HSD17B3: variants seen among roughly 807,000 people sequenced by gnomAD.
HSD17B3 encodes the protein 17-beta-hydroxysteroid dehydrogenase type 3.
A neutral mutation model predicts 41.1 loss-of-function variants in HSD17B3; 29 were observed. The observed-to-expected ratio is 0.71, with a 90% CI of 0.53 to 0.96. HSD17B3 has a LOEUF of 0.96. Among genes scored for constraint, HSD17B3 ranks in the 40% least tolerant of loss-of-function variants. The probability of loss-of-function intolerance (pLI) is 0.00; values close to 1 mark genes in which losing one functional copy is unlikely to be tolerated. For missense variants in HSD17B3, 323 were observed against 374.6 expected (o/e 0.86, Z 1.14); for synonymous variants, 126 against 145.6 (o/e 0.87, Z 0.97).
intron 2 of HSD17B3, among the ~76,000 whole-genome samples, chr9:96,274,650 A>G (rs1826380916): frequency 6.6e-6 from 1 of 152,212 alleles, no homozygotes; most frequent in South Asian, 2.1e-4. Flanking sequence ...AATCTAGCAG[A>G]AAAAAGAATC....
rs558876495 is a variant in HSD17B3, at chr9:96,239,010, C to T, written c.822+1748G>A. ...CAGAGGTCTATGTGGATCAAAGCTG[C>T]AGATGGACCTTGGGCCTGTAGCTGG... On this transcript the variant is annotated intron_variant, in intron 10 of 10. Coordinates refer to ENST00000375263, the MANE Select transcript of HSD17B3 (RefSeq NM_000197.2). 2.0e-5 allele frequency among the ~76,000 whole-genome samples: 3 copies of T among 152,382 alleles called. No individual in the cohort carries two copies. In the South Asian group the frequency reaches 6.2e-4, roughly 32 times the overall value.
chr9:96,268,018 G>C (rs550793034), intron 2 of HSD17B3, among the ~76,000 whole-genome samples: 1 of 152,146 alleles, frequency 6.6e-6, no homozygotes, highest in African/African-American at 2.4e-5. Context: ...TCTGTCTCCT[G>C]GGTTCAAGCG....
intron 2 of HSD17B3, among the ~76,000 whole-genome samples, chr9:96,275,700 AT>A (rs1178227082): frequency 1.3e-5 from 2 of 152,202 alleles, no homozygotes; most frequent in Non-Finnish European, 2.9e-5. Flanking sequence ...ATTATAAGAT[AT>A]TTTATGTAAG....
At chr9:96,255,537 G>T (rs1455162069) in intron 2 of HSD17B3, among the ~76,000 whole-genome samples, 1 of 151,650 alleles carries the variant, frequency 6.6e-6, no homozygotes, top group African/African-American at 2.4e-5. Context: ...TTACAGGCAT[G>T]CGCCGCCAAG....
rs761400466 is a variant in HSD17B3, at chr9:96,298,467, GAAAAGCAAGAATGCTTTT to G, written c.155-23_155-6del. The G allele has an allele frequency of 6.2e-7, 1 of 1,612,180 alleles. No individual in the cohort carries two copies. Among genetic ancestry groups the G allele is most frequent in the Admixed American group, 1.7e-5 (1 of 60,028 alleles). ...CATCGCCTGCTCCAGTGATCACTGT[GAAAAGCAAGAATGCTTTT>G]AAAAGACAGAATTCATCTTTAAACT... On this transcript the variant is annotated splice_polypyrimidine_tract_variant and splice_region_variant and intron_variant, in intron 1 of 10. Coordinates refer to ENST00000375263, the MANE Select transcript of HSD17B3 (RefSeq NM_000197.2).
chr9:96,295,523 C>T (rs1352165718), intron 2 of HSD17B3, among the ~76,000 whole-genome samples: 1 of 151,824 alleles, frequency 6.6e-6, no homozygotes, highest in African/African-American at 2.4e-5. Context: ...TAAGTAGAGA[C>T]GGAGTTTCAC....
At chr9:96,274,923 C>T (rs1826390234) in intron 2 of HSD17B3, among the ~76,000 whole-genome samples, 1 of 152,056 alleles carries the variant, frequency 6.6e-6, no homozygotes, top group African/African-American at 2.4e-5. Context: ...TAGGATCACA[C>T]AAATTAAGAA....
chr9:96,266,937 A>C (rs1014245386), intron 2 of HSD17B3, among the ~76,000 whole-genome samples: 9 of 152,040 alleles, frequency 5.9e-5, no homozygotes, highest in African/African-American at 2.2e-4. Context: ...CAAGGAAAAG[A>C]CCTTGAGGCA....
In HSD17B3 at chr9:96,235,307, A is replaced by C; in HGVS notation, c.*153T>G. 2.9e-6 allele frequency: 2 copies of C among 684,912 alleles called. No homozygotes were observed. The highest frequency in any genetic ancestry group is 5.4e-6 in the Non-Finnish European group (2 of 373,636). The allele number at this position is 684,912 out of a possible 1,614,324, so 42.4% of individuals were successfully genotyped here. Reference sequence around the variant, plus strand: ...TTCCCAGAGATATTCAGACTCAAGTAAAGTGGCAAAAAATGTGTATTCTAT... The same window carrying C: ...TTCCCAGAGATATTCAGACTCAAGTCAAGTGGCAAAAAATGTGTATTCTAT... On this transcript the variant is annotated 3_prime_UTR_variant, in exon 11 of 11. Transcript: ENST00000375263.
intron 2 of HSD17B3, among the ~76,000 whole-genome samples, chr9:96,297,282 T>C (rs945305364): frequency 2.6e-5 from 4 of 151,836 alleles, no homozygotes; most frequent in African/African-American, 9.7e-5. Flanking sequence ...CTAGGATTAC[T>C]TATTTTTCTA....
chr9:96,279,718 A>C (rs1234562230), intron 2 of HSD17B3, among the ~76,000 whole-genome samples: 1 of 151,958 alleles, frequency 6.6e-6, no homozygotes, highest in Non-Finnish European at 1.5e-5. Context: ...GATTTCTTTT[A>C]GGGCCTGCTG....
At chr9:96,247,016 A>T (rs1233945930) in intron 6 of HSD17B3, among the ~76,000 whole-genome samples, 2 of 152,140 alleles carry the variant, frequency 1.3e-5, no homozygotes, top group Admixed American at 6.5e-5. Flanking sequence ...AGAGAGAAGG[A>T]CACCTCTTTG....
At chr9:96,286,433 G>A (rs992214898) in intron 2 of HSD17B3, among the ~76,000 whole-genome samples, 6 of 151,828 alleles carry the variant, frequency 4.0e-5, no homozygotes, top group Admixed American at 3.9e-4. Flanking sequence ...CCACGCCTGT[G>A]ATCCTAGCAC....
chr9:96,274,951 T>A (rs1313565583), intron 2 of HSD17B3, among the ~76,000 whole-genome samples: 1 of 152,136 alleles, frequency 6.6e-6, no homozygotes, highest in Non-Finnish European at 1.5e-5. Context: ...AGACACCTGA[T>A]AATTAAATTG....
chr9:96,301,017 T>C (rs774177589), intron 1 of HSD17B3, among the ~76,000 whole-genome samples: 2 of 152,218 alleles, frequency 1.3e-5, no homozygotes, highest in Non-Finnish European at 2.9e-5. Flanking sequence ...GAGATGAGGA[T>C]GCAGAAATTT....
intron 4 of HSD17B3, 39 bp downstream of exon 4, chr9:96,252,764 A>T (rs1176667491): frequency 9.8e-7 from 1 of 1,015,916 alleles, no homozygotes; most frequent in Non-Finnish European, 1.6e-6. Flanking sequence ...TATTTCACTG[A>T]TGTATGACAA....
intron 2 of HSD17B3, among the ~76,000 whole-genome samples, chr9:96,280,093 GT>G (rs1225366579): frequency 6.6e-6 from 1 of 152,118 alleles, no homozygotes; most frequent in African/African-American, 2.4e-5. Context: ...TAAGGTCTCT[GT>G]GTTGATATCA....
rs58397134 is a variant in HSD17B3 at position 96,282,992 on chromosome 9, C to CTTTTTTT, written c.201+15417_201+15423dup. The stretch of plus-strand genomic sequence containing the variant: ...GAATAAAAGCACAACAGGTTTCTTT[C>CTTTTTTT]TTTTTTTTTTTTTTTTTTTTTTTTT... On this transcript the variant is annotated intron_variant, in intron 2 of 10. Coordinates refer to ENST00000375263, the MANE Select transcript of HSD17B3 (RefSeq NM_000197.2). Among the ~76,000 whole-genome samples the CTTTTTTT allele has an allele frequency of 3.1e-4, 22 of 71,700 alleles. 2 individuals carry two copies. Among genetic ancestry groups the CTTTTTTT allele is most frequent in the Non-Finnish European group, 4.3e-4 (16 of 37,328 alleles). 47.0% of individuals were successfully genotyped at this position (71,700 alleles called of 152,430 possible). A position where few individuals can be genotyped will look rare whatever the true frequency, so the allele number is the denominator to read the frequency against.
intron 5 of HSD17B3, chr9:96,250,153 T>C: frequency 8.0e-7 from 1 of 1,243,550 alleles, no homozygotes; most frequent in Non-Finnish European, 1.0e-6. Flanking sequence ...GAAAGACAAA[T>C]GGTTGTATAA....
Sources: gnomAD v4.1 joint callset for allele counts (sites outside exome capture counted in the v4.1 genomes callset) on GRCh38, gnomAD v4.1.1 for gene constraint, MANE v1.5 for transcripts, NCBI Gene and HGNC (gene_info 2026-07-23, HGNC 2026-07-21) for gene names.